The following STARD13 variants were observed in gnomAD, a reference collection of about 807,000 sequenced individuals.
The protein encoded by STARD13 is stAR-related lipid transfer protein 13.
STARD13 carries 62 observed loss-of-function variants against 106.4 expected under a neutral mutation model. The observed-to-expected ratio is 0.58, with a 90% CI of 0.48 to 0.72. The LOEUF (loss-of-function observed/expected upper bound fraction) is 0.72, where lower values mean the gene tolerates loss of function less well. STARD13 is among the 30% of genes least tolerant of loss of function. The probability of loss-of-function intolerance (pLI) is 0.00; values close to 1 mark genes in which losing one functional copy is unlikely to be tolerated. For synonymous variants in STARD13, 565 were observed against 553.0 expected, an observed-to-expected ratio of 1.02 and a Z score of -0.31; for missense variants, 1,387 against 1,424.0, an observed-to-expected ratio of 0.97 and a Z score of 0.42.
chr13:33,428,240 G>A, the STARD13 span, among the ~76,000 whole-genome samples: 1 of 152,068 alleles, frequency 6.6e-6, no homozygotes, highest in Non-Finnish European at 1.5e-5. Flanking sequence ...GAAAACATAG[G>A]GGAAATCTTC....
the STARD13 span, among the ~76,000 whole-genome samples, chr13:33,451,900 C>T: frequency 6.6e-6 from 1 of 152,028 alleles, no homozygotes; most frequent in Non-Finnish European, 1.5e-5. Flanking sequence ...TCTGAAGTCA[C>T]TAAAAGTTGG....
intron 1 of STARD13, among the ~76,000 whole-genome samples, chr13:33,299,135 G>A (rs986099295): frequency 9.2e-5 from 14 of 152,170 alleles, no homozygotes; most frequent in African/African-American, 2.7e-4. Flanking sequence ...TGCTGTGCAG[G>A]TTTGTAGCCT....
the STARD13 span, among the ~76,000 whole-genome samples, chr13:33,595,337 C>G: frequency 6.6e-6 from 1 of 152,160 alleles, no homozygotes; most frequent in Non-Finnish European, 1.5e-5. Flanking sequence ...TAAGACCTAA[C>G]TATGTGGATC....
upstream of STARD13, among the ~76,000 whole-genome samples, chr13:33,288,585 T>G (rs1271493649): frequency 6.6e-6 from 1 of 151,904 alleles, no homozygotes; most frequent in East Asian, 1.9e-4. Context: ...CTACATTTTT[T>G]TTTTTAAAAA....
intron 1 of STARD13, among the ~76,000 whole-genome samples, chr13:33,178,390 A>G (rs1884918578): frequency 1.3e-5 from 2 of 152,208 alleles, no homozygotes; most frequent in Non-Finnish European, 2.9e-5. Context: ...CATTCTAAAT[A>G]AAGAATTTCA....
chr13:33,595,209 A>C, the STARD13 span, among the ~76,000 whole-genome samples: 3 of 152,170 alleles, frequency 2.0e-5, no homozygotes, highest in Non-Finnish European at 4.4e-5. Flanking sequence ...TATTGGGGTT[A>C]AGAGAGAAGC....
At chr13:33,557,824 G>A in the STARD13 span, among the ~76,000 whole-genome samples, 1 of 152,156 alleles carries the variant, frequency 6.6e-6, no homozygotes, top group Non-Finnish European at 1.5e-5. Context: ...GAGGCAGGAA[G>A]GTATACCTAT....
intron 6 of STARD13, among the ~76,000 whole-genome samples, chr13:33,126,473 G>T (rs532099573): frequency 6.6e-6 from 1 of 152,292 alleles, no homozygotes; most frequent in South Asian, 2.1e-4. Context: ...GAATGTATTT[G>T]TAGCTCTGTT....
intron 6 of STARD13, 135 bp downstream of exon 6, chr13:33,127,238 C>G: frequency 2.0e-6 from 2 of 980,208 alleles, no homozygotes; most frequent in Non-Finnish European, 2.8e-6. Context: ...AGAGCTCATG[C>G]CTTATGTCCA....
At chr13:33,226,249 G>A (rs4262829) in intron 1 of STARD13, among the ~76,000 whole-genome samples, 13 of 152,120 alleles carry the variant, frequency 8.5e-5, no homozygotes, top group Non-Finnish European at 1.9e-4. Context: ...GCTCCAAGCA[G>A]TTTCTTCTTA....
At chr13:33,495,174 T>C in the STARD13 span, among the ~76,000 whole-genome samples, 1 of 152,278 alleles carries the variant, frequency 6.6e-6, no homozygotes, top group South Asian at 2.1e-4. Flanking sequence ...GAGAATAATA[T>C]CAGAAACCAA....
chr13:33,604,767 C>G, the STARD13 span, among the ~76,000 whole-genome samples: 8 of 151,088 alleles, frequency 5.3e-5, no homozygotes, highest in African/African-American at 2.0e-4. Flanking sequence ...CCACTGCACT[C>G]CAGCCCGAGG....
the STARD13 span, among the ~76,000 whole-genome samples, chr13:33,644,671 C>T: frequency 2.2e-3 from 330 of 152,270 alleles, 1 homozygote; most frequent in African/African-American, 7.6e-3. Flanking sequence ...TTCTTCCACT[C>T]CAAGCCTATA....
chr13:33,373,409 C>T, the STARD13 span, among the ~76,000 whole-genome samples: 1 of 151,916 alleles, frequency 6.6e-6, no homozygotes, highest in East Asian at 1.9e-4. Context: ...TTTAACAACT[C>T]AAATTAAAAA....
intron 1 of STARD13, among the ~76,000 whole-genome samples, chr13:33,319,774 T>C (rs17078969): frequency 0.042 from 6,327 of 152,224 alleles, 445 homozygotes; most frequent in African/African-American, 0.14. Context: ...GCACCTTTAG[T>C]TTCATAGCTC....
the STARD13 span, among the ~76,000 whole-genome samples, chr13:33,673,760 C>T: frequency 6.6e-5 from 10 of 151,948 alleles, no homozygotes; most frequent in Non-Finnish European, 1.5e-4. Context: ...CCAGGATGGT[C>T]ATCTCCTGTC....
At chr13:33,542,925 C>G in the STARD13 span, among the ~76,000 whole-genome samples, 1 of 152,194 alleles carries the variant, frequency 6.6e-6, no homozygotes. Context: ...TCCTTTCTCC[C>G]GCCCTGGACG....
At chr13:33,548,413 C>T in the STARD13 span, among the ~76,000 whole-genome samples, 1 of 152,094 alleles carries the variant, frequency 6.6e-6, no homozygotes, top group Non-Finnish European at 1.5e-5. Context: ...GCATAGAAAG[C>T]TTATTGACAC....
intron 4 of STARD13, among the ~76,000 whole-genome samples, chr13:33,137,824 C>A (rs2138209442): frequency 6.6e-6 from 1 of 152,256 alleles, no homozygotes; most frequent in South Asian, 2.1e-4. Context: ...TACTCTCCAG[C>A]CAAGTGAATG....
Sources: gnomAD v4.1 joint callset for allele counts (sites outside exome capture counted in the v4.1 genomes callset) on GRCh38, gnomAD v4.1.1 for gene constraint, MANE v1.5 for transcripts, NCBI Gene and HGNC (gene_info 2026-07-23, HGNC 2026-07-21) for gene names.